ERLIN1: variants seen among roughly 807,000 people sequenced by gnomAD.
ERLIN1 encodes ER lipid raft associated 1.
A neutral mutation model predicts 46.9 loss-of-function variants in ERLIN1; 24 were observed. That is an observed-to-expected ratio of 0.51 (90% CI 0.37 to 0.72). The LOEUF is 0.72. Among genes scored for constraint, ERLIN1 ranks in the 30% least tolerant of loss-of-function variants. ERLIN1 has a pLI of 0.00. For synonymous variants in ERLIN1, 158 were observed against 143.2 expected (o/e 1.10, Z -0.74); for missense variants, 293 against 417.9 (o/e 0.70, Z 2.61).
chr10:100,156,267 A>G (rs1269863738), intron 8 of ERLIN1, 33 bp from the exon 9 acceptor site: 1 of 1,444,130 alleles, frequency 6.9e-7, no homozygotes, highest in African/African-American at 1.4e-5. Flanking sequence ...GACACATTCA[A>G]AACCATTTCT....
intron 1 of ERLIN1, among the ~76,000 whole-genome samples, chr10:100,184,360 G>A (rs936327871): frequency 7.2e-5 from 11 of 152,068 alleles, no homozygotes; most frequent in Non-Finnish European, 4.4e-5. Flanking sequence ...CAAAAAATTA[G>A]CATGAAAAGA....
In ERLIN1 at chr10:100,151,787, C is replaced by A; in HGVS notation, c.*344G>T. The A allele has an allele frequency of 8.7e-6, 3 of 344,162 alleles. No individual in the cohort carries two copies. Among genetic ancestry groups the A allele is most frequent in the East Asian group, 7.2e-5 (1 of 13,946 alleles). The allele number at this position is 344,162 out of a possible 1,614,324, so 21.3% of individuals were successfully genotyped here. A position where few individuals can be genotyped will look rare whatever the true frequency, so the allele number is the denominator to read the frequency against. ...CATTTCCCCGGGGGACGAATGTAAA[C>A]ATTATTCAACAGATCTCAGCTTAGG... On this transcript the variant is annotated 3_prime_UTR_variant, in exon 11 of 11. Transcript: ENST00000421367.
intron 4 of ERLIN1, 70 bp from the exon 5 acceptor site, chr10:100,176,140 G>T: frequency 7.1e-7 from 1 of 1,415,792 alleles, no homozygotes; most frequent in Non-Finnish European, 9.6e-7. Flanking sequence ...TTCAGCCAGG[G>T]TAAAAGTCAG....
intron 8 of ERLIN1, among the ~76,000 whole-genome samples, 197 bp downstream of exon 8, chr10:100,163,807 G>A (rs1261821994): frequency 6.6e-6 from 1 of 152,176 alleles, no homozygotes; most frequent in Non-Finnish European, 1.5e-5. Context: ...ATGATGGACA[G>A]CCACAGCACA....
chr10:100,168,579 A>G (rs1363128410), intron 6 of ERLIN1, among the ~76,000 whole-genome samples: 7 of 152,174 alleles, frequency 4.6e-5, no homozygotes, highest in Admixed American at 2.0e-4. Context: ...ATTACTTCCA[A>G]TATGGATTAA....
intron 6 of ERLIN1, among the ~76,000 whole-genome samples, chr10:100,170,492 A>G (rs1225882782): frequency 1.3e-5 from 2 of 152,368 alleles, no homozygotes; most frequent in East Asian, 3.9e-4. Flanking sequence ...AATTCAAAAG[A>G]TCCTTCTGGC....
At chr10:100,164,340 G>T (rs1363571795) in intron 7 of ERLIN1, among the ~76,000 whole-genome samples, 1 of 152,188 alleles carries the variant, frequency 6.6e-6, no homozygotes, top group African/African-American at 2.4e-5. Context: ...ATTTTAGTTT[G>T]GCTTTCTTCT....
intron 5 of ERLIN1, among the ~76,000 whole-genome samples, chr10:100,174,705 C>T (rs1394299255): frequency 6.6e-6 from 1 of 152,124 alleles, no homozygotes; most frequent in Non-Finnish European, 1.5e-5. Flanking sequence ...AAACAAATTT[C>T]TATGTTCAGT....
At chr10:100,178,949 G>A (rs1303663923) in intron 3 of ERLIN1, among the ~76,000 whole-genome samples, 2 of 152,188 alleles carry the variant, frequency 1.3e-5, no homozygotes, top group African/African-American at 2.4e-5. Context: ...AGATGCAGCA[G>A]TGCTAATACA....
Position 100,152,329 on chromosome 10 carries a change from CAG to C in ERLIN1, c.847_848del (p.Leu283GlyfsTer11). Reference protein sequence around the residue: ...SNKHKLTPEYLELKKYQAIAS... With the variant: ...SNKHKLTPEYXELKKYQAIAS... The stretch of plus-strand genomic sequence containing the variant: ...CAATGGCCTGGTACTTTTTGAGCTC[CAG>C]ATATTCCGGGGTCAACTTGTGCTGT... On this transcript the variant is annotated frameshift_variant, in exon 11 of 11. Coordinates refer to ENST00000421367, the MANE Select transcript of ERLIN1 (RefSeq NM_006459.4). LOFTEE classifies it high-confidence loss of function. 1 of 1,612,820 alleles carries C rather than the reference CAG, an allele frequency of 6.2e-7. No homozygotes were observed. Among genetic ancestry groups the C allele is most frequent in the Non-Finnish European group, 8.5e-7 (1 of 1,178,816 alleles).
In ERLIN1 at chr10:100,152,060, C is replaced by T; in HGVS notation, c.*71G>A. ...TAAGTTCTCTGTAAATCTGAAGAGT[C>T]CGTATAATGATTGTTCCCACTTAAC... On this transcript the variant is annotated 3_prime_UTR_variant, in exon 11 of 11. Coordinates refer to ENST00000421367, the MANE Select transcript of ERLIN1 (RefSeq NM_006459.4). The T allele has an allele frequency of 4.3e-6, 4 of 923,284 alleles. No individual in the cohort carries two copies. Among genetic ancestry groups the T allele is most frequent in the Non-Finnish European group, 7.1e-6 (4 of 561,242 alleles). 57.2% of individuals were successfully genotyped at this position (923,284 alleles called of 1,614,324 possible).
intron 1 of ERLIN1, among the ~76,000 whole-genome samples, chr10:100,184,232 G>C (rs1046597555): frequency 1.3e-5 from 2 of 151,886 alleles, no homozygotes; most frequent in Non-Finnish European, 2.9e-5. Flanking sequence ...TAATCACCAG[G>C]TTGAAAAAAA....
chr10:100,174,125 C>A, intron 6 of ERLIN1, 83 bp downstream of exon 6: 2 of 851,218 alleles, frequency 2.3e-6, no homozygotes, highest in African/African-American at 1.7e-5. Context: ...CAAATAATTG[C>A]TGAATAAAAC....
chr10:100,167,494 C>T, intron 6 of ERLIN1, 88 bp from the exon 7 acceptor site: 2 of 1,030,472 alleles, frequency 1.9e-6, no homozygotes, highest in South Asian at 1.4e-5. Flanking sequence ...TCAAATGATA[C>T]TAATCTAATA....
chr10:100,172,019 C>G (rs922265994), intron 6 of ERLIN1, among the ~76,000 whole-genome samples: 2 of 152,122 alleles, frequency 1.3e-5, no homozygotes, highest in Non-Finnish European at 2.9e-5. Flanking sequence ...AATAAGCCCC[C>G]AAACAGGGCA....
chr10:100,153,059 C>G (rs1036789680), intron 10 of ERLIN1, among the ~76,000 whole-genome samples: 4 of 152,210 alleles, frequency 2.6e-5, no homozygotes, highest in African/African-American at 9.7e-5. Flanking sequence ...TGGATGAGAG[C>G]AGAACTTCAA....
intron 8 of ERLIN1, among the ~76,000 whole-genome samples, chr10:100,162,307 T>A (rs1843400150): frequency 6.6e-6 from 1 of 152,028 alleles, no homozygotes; most frequent in Non-Finnish European, 1.5e-5. Context: ...TTACTAACAA[T>A]CAGGGAAATT....
intron 8 of ERLIN1, among the ~76,000 whole-genome samples, chr10:100,160,740 A>C (rs1476416784): frequency 6.6e-6 from 1 of 152,196 alleles, no homozygotes; most frequent in East Asian, 1.9e-4. Flanking sequence ...TGAACTCAGG[A>C]ATTCAAGACC....
chr10:100,175,914 T>C, intron 5 of ERLIN1, 31 bp downstream of exon 5: 1 of 1,602,450 alleles, frequency 6.2e-7, no homozygotes, highest in East Asian at 2.2e-5. Context: ...TCCAATTGGC[T>C]ATTTACATAC....
Sources: allele counts gnomAD v4.1 joint callset (sites outside exome capture counted in the v4.1 genomes callset), GRCh38; gene constraint gnomAD v4.1.1; transcripts MANE v1.5; gene names NCBI Gene and HGNC (gene_info 2026-07-23, HGNC 2026-07-21).